Variants in SYN3 observed in about 807,000 individuals in gnomAD.
The protein encoded by SYN3 is synapsin III.
A neutral mutation model predicts 65.8 loss-of-function variants in SYN3; 35 were observed. The observed-to-expected ratio is 0.53, with a 90% confidence interval of 0.41 to 0.70. The LOEUF (loss-of-function observed/expected upper bound fraction) is 0.70. SYN3 is among the 30% of genes least tolerant of loss of function. The pLI, the probability that SYN3 is intolerant of heterozygous loss-of-function variation, is 0.00. For missense variants in SYN3, 680 were observed against 749.0 expected, an observed-to-expected ratio of 0.91 and a Z score of 1.08; for synonymous variants, 270 against 292.9, an observed-to-expected ratio of 0.92 and a Z score of 0.80.
chr22:32,618,024 G>C (rs1162878948), intron 6 of SYN3, among the ~76,000 whole-genome samples: 1 of 152,106 alleles, frequency 6.6e-6, no homozygotes, highest in Non-Finnish European at 1.5e-5. Flanking sequence ...TCTCTGGCTA[G>C]ACTAGGTGTA....
At chr22:32,820,230 C>G (rs925262493) in intron 6 of SYN3, among the ~76,000 whole-genome samples, 2 of 151,066 alleles carry the variant, frequency 1.3e-5, no homozygotes, top group African/African-American at 4.9e-5. Flanking sequence ...CTTAGCATTC[C>G]TCCTTTCTCC....
chr22:32,698,704 T>C (rs1276823043), intron 6 of SYN3, among the ~76,000 whole-genome samples: 1 of 152,222 alleles, frequency 6.6e-6, no homozygotes, highest in Non-Finnish European at 1.5e-5. Flanking sequence ...TTTTAGGTAG[T>C]TAGTAAATGC....
chr22:32,571,992 T>G (rs2058765326), intron 7 of SYN3, among the ~76,000 whole-genome samples: 1 of 151,976 alleles, frequency 6.6e-6, no homozygotes, highest in African/African-American at 2.4e-5. Context: ...AAACTGCAGA[T>G]GGTGAGATGG....
Position 32,508,129 on chromosome 22 carries a change from C to T in SYN3, c.*5563G>A, listed in dbSNP as rs1017125631. Among the ~76,000 whole-genome samples the T allele has an allele frequency of 6.6e-6, 1 of 152,162 alleles. No homozygotes were observed. Among genetic ancestry groups the T allele is most frequent in the African/African-American group, 2.4e-5 (1 of 41,432 alleles). On this transcript the variant is annotated 3_prime_UTR_variant, in exon 14 of 14. Coordinates refer to ENST00000358763, the MANE Select transcript of SYN3 (RefSeq NM_003490.4). The stretch of plus-strand genomic sequence containing the variant: ...ATCCCCTGTGACTTGCGCGTATACG[C>T]CCAGATGGCCTGAAGTAACTGAAGA...
intron 6 of SYN3, among the ~76,000 whole-genome samples, chr22:32,608,679 G>A (rs146776039): frequency 7.2e-5 from 11 of 152,286 alleles, no homozygotes; most frequent in Middle Eastern, 3.4e-3. Flanking sequence ...GCAGACTTGC[G>A]TTTAAATATC....
At chr22:32,713,475 T>C (rs1201662888) in intron 6 of SYN3, among the ~76,000 whole-genome samples, 6 of 152,216 alleles carry the variant, frequency 3.9e-5, no homozygotes, top group African/African-American at 1.4e-4. Context: ...CTTTGGGTCA[T>C]TTTAACTATC....
chr22:32,565,463 G>T (rs578172153), intron 7 of SYN3, among the ~76,000 whole-genome samples: 43 of 150,954 alleles, frequency 2.8e-4, no homozygotes, highest in South Asian at 1.9e-3. Flanking sequence ...ATATAAAATA[G>T]TTTACGTATA....
chr22:32,718,506 G>GA lies in SYN3; in HGVS notation c.712-121771dup, dbSNP rs199623097. Reference sequence around the variant, plus strand: ...TCTCATAGTCCTTTTTTCAAGGACTGAAAAAAAAAAAAAAGAAAAAAGAAA... The same window carrying GA: ...TCTCATAGTCCTTTTTTCAAGGACTGAAAAAAAAAAAAAAAGAAAAAAGAAA... On this transcript the variant is annotated intron_variant, in intron 6 of 13. Transcript: ENST00000358763. 3.9e-3 allele frequency among the ~76,000 whole-genome samples: 417 copies of GA among 106,362 alleles called. 2 individuals are homozygous for GA. The highest frequency in any genetic ancestry group is 0.017 in the South Asian group (55 of 3,266). The allele number at this position is 106,362 out of a possible 152,430, so 69.8% of individuals were successfully genotyped here.
intron 3 of SYN3, among the ~76,000 whole-genome samples, chr22:32,959,523 C>A (rs528222724): frequency 1.3e-5 from 2 of 151,840 alleles, no homozygotes; most frequent in African/African-American, 4.8e-5. Context: ...TGTACTCCAG[C>A]CTGGGTGACA....
intron 6 of SYN3, among the ~76,000 whole-genome samples, chr22:32,792,128 T>C (rs2046335784): frequency 6.6e-6 from 1 of 152,204 alleles, no homozygotes; most frequent in Admixed American, 6.5e-5. Flanking sequence ...CAGTGTTTGA[T>C]CTTCATGAAA....
chr22:32,813,945 G>A (rs1319384625), intron 6 of SYN3, among the ~76,000 whole-genome samples: 1 of 152,112 alleles, frequency 6.6e-6, no homozygotes, highest in Non-Finnish European at 1.5e-5. Context: ...ATAAATGTCA[G>A]CCATCATATT....
intron 4 of SYN3, among the ~76,000 whole-genome samples, chr22:32,872,084 GC>G (rs1461604460): frequency 1.3e-5 from 2 of 152,024 alleles, no homozygotes; most frequent in African/African-American, 2.4e-5. Context: ...ATCAAAATTT[GC>G]CCCAACCCTC....
intron 10 of SYN3, 149 bp downstream of exon 10, chr22:32,533,644 C>A (rs1264213770): frequency 1.8e-6 from 1 of 559,098 alleles, no homozygotes; most frequent in Non-Finnish European, 3.2e-6. Flanking sequence ...TGGGAAGGAG[C>A]CTCCAGAAGC....
intron 2 of SYN3, among the ~76,000 whole-genome samples, chr22:32,990,363 T>G (rs2052669660): frequency 7.1e-6 from 1 of 140,646 alleles, no homozygotes; most frequent in Non-Finnish European, 1.6e-5. Flanking sequence ...CATCCACATA[T>G]TCATCCATCC....
intron 6 of SYN3, among the ~76,000 whole-genome samples, chr22:32,806,506 G>A (rs896214326): frequency 1.3e-5 from 2 of 152,192 alleles, no homozygotes; most frequent in African/African-American, 4.8e-5. Flanking sequence ...TCTACTCCTG[G>A]GTGGCCTTGA....
chr22:32,588,030 GT>G (rs2146538582), intron 7 of SYN3, among the ~76,000 whole-genome samples: 1 of 152,322 alleles, frequency 6.6e-6, no homozygotes, highest in East Asian at 1.9e-4. Flanking sequence ...TCATAGGGTT[GT>G]TATGAGGACT....
intron 10 of SYN3, 62 bp from the exon 11 acceptor site, chr22:32,529,070 A>G: frequency 6.2e-7 from 1 of 1,606,904 alleles, no homozygotes; most frequent in Non-Finnish European, 8.5e-7. Context: ...GTTGGGCATC[A>G]CATCCCAGAA....
chr22:33,054,429 G>A (rs1008396190), intron 1 of SYN3, among the ~76,000 whole-genome samples: 4 of 152,104 alleles, frequency 2.6e-5, no homozygotes, highest in African/African-American at 4.8e-5. Context: ...ATAACTAAAA[G>A]CTAGCCATTT....
intron 7 of SYN3, among the ~76,000 whole-genome samples, chr22:32,571,166 C>G (rs1375608103): frequency 6.6e-6 from 1 of 152,120 alleles, no homozygotes; most frequent in Non-Finnish European, 1.5e-5. Context: ...CTTTCAGGCT[C>G]TCCTAGAGTT....
Sources: allele counts gnomAD v4.1 joint callset (sites outside exome capture counted in the v4.1 genomes callset), GRCh38; gene constraint gnomAD v4.1.1; transcripts MANE v1.5; gene names NCBI Gene and HGNC (gene_info 2026-07-23, HGNC 2026-07-21).